The following CD163L1 variants were observed in gnomAD, a reference collection of about 807,000 sequenced individuals.
CD163L1 encodes the protein CD163 molecule like 1, also known as scavenger receptor cysteine-rich type 1 protein M160.
In CD163L1, 124 loss-of-function variants were observed where a neutral mutation model predicts 165.4. That is an observed-to-expected ratio of 0.75 (90% CI 0.65 to 0.87). CD163L1 has a LOEUF of 0.87. Among genes scored for constraint, CD163L1 ranks in the 40% least tolerant of loss-of-function variants. The pLI, the probability that CD163L1 is intolerant of heterozygous loss-of-function variation, is 0.00. For synonymous variants in CD163L1, 585 were observed against 662.2 expected, an observed-to-expected ratio of 0.88 and a Z score of 1.79; for missense variants, 1,525 against 1,799.9, an observed-to-expected ratio of 0.85 and a Z score of 2.76.
At chr12:7,363,289 A>C (rs923101915) in intron 18 of CD163L1, among the ~76,000 whole-genome samples, 11 of 152,080 alleles carry the variant, frequency 7.2e-5, no homozygotes, top group African/African-American at 2.7e-4. Context: ...AGCATGGGTG[A>C]CAGAGTGAGA....
intron 14 of CD163L1, among the ~76,000 whole-genome samples, chr12:7,371,122 T>C (rs1004666938): frequency 6.6e-6 from 1 of 152,208 alleles, no homozygotes; most frequent in Admixed American, 6.5e-5. Flanking sequence ...GCTCCTCCTT[T>C]GCCTTCAGCC....
chr12:7,426,502 G>A (rs752835654), intron 4 of CD163L1, among the ~76,000 whole-genome samples: 1 of 152,056 alleles, frequency 6.6e-6, no homozygotes, highest in Non-Finnish European at 1.5e-5. Context: ...GGACTTGGGA[G>A]AAAGGGTGGG....
At chr12:7,403,961 T>C in intron 5 of CD163L1, 106 bp from the exon 6 acceptor site, 1 of 765,924 alleles carries the variant, frequency 1.3e-6, no homozygotes, top group Non-Finnish European at 2.0e-6. Flanking sequence ...ATCCTTCACA[T>C]ACTGAGAAAA....
chr12:7,380,660 A>T (rs2136448913), intron 8 of CD163L1, among the ~76,000 whole-genome samples: 1 of 152,268 alleles, frequency 6.6e-6, no homozygotes, highest in Non-Finnish European at 1.5e-5. Context: ...GGAAGAAAAG[A>T]CTACAAATTG....
intron 2 of CD163L1, chr12:7,439,914 G>C: frequency 3.1e-6 from 5 of 1,599,876 alleles, no homozygotes; most frequent in Non-Finnish European, 4.3e-6. Context: ...CTTCGACTTC[G>C]GCCAACTCCT....
chr12:7,349,661 T>C (rs1946694717), intron 4 of CD163L1, among the ~76,000 whole-genome samples: 1 of 152,188 alleles, frequency 6.6e-6, no homozygotes, highest in Admixed American at 6.5e-5. Flanking sequence ...GGCAGATACA[T>C]TTCTTTGTAA....
chr12:7,389,957 T>C (rs989327493), intron 8 of CD163L1, among the ~76,000 whole-genome samples: 2 of 118,966 alleles, frequency 1.7e-5, no homozygotes, highest in Admixed American at 1.9e-4. Flanking sequence ...TATATATATA[T>C]ATTTATATAT....
intron 4 of CD163L1, among the ~76,000 whole-genome samples, chr12:7,426,969 A>C (rs1259941453): frequency 5.9e-5 from 9 of 152,220 alleles, no homozygotes. Context: ...GAAGTCCATT[A>C]TATAATGATA....
intron 4 of CD163L1, among the ~76,000 whole-genome samples, chr12:7,407,568 G>T (rs1948051147): frequency 6.7e-6 from 1 of 150,238 alleles, no homozygotes; most frequent in African/African-American, 2.4e-5. Flanking sequence ...CTACGTATAT[G>T]TATCATATGT....
At chr12:7,421,473 ACATATATGTACATATATACATATATG>A (rs1591954590) in intron 4 of CD163L1, among the ~76,000 whole-genome samples, 5 of 108,706 alleles carry the variant, frequency 4.6e-5, no homozygotes, top group Admixed American at 1.3e-4. Flanking sequence ...ACATATATAT[ACATATATGTACATATATACATATATG>A]TACATATACA....
At chr12:7,413,261 A>T (rs916143057) in intron 4 of CD163L1, among the ~76,000 whole-genome samples, 4 of 152,054 alleles carry the variant, frequency 2.6e-5, no homozygotes, top group African/African-American at 9.7e-5. Context: ...GATTTCTCCC[A>T]TGGGAGAAGG....
At chr12:7,336,188 G>A in the CD163L1 span, among the ~76,000 whole-genome samples, 192 of 127,784 alleles carry the variant, frequency 1.5e-3, no homozygotes, top group South Asian at 3.7e-3. Flanking sequence ...AAATCATGCT[G>A]CTATAAAGAC....
rs1947079201 is a variant in CD163L1, at chr12:7,368,856, TA to T, written c.4072+76del. 1 of 1,490,014 alleles carries T rather than the reference TA, an allele frequency of 6.7e-7. No homozygotes were observed. The highest frequency in any genetic ancestry group is 9.4e-7 in the Non-Finnish European group (1 of 1,069,064). The allele number at this position is 1,490,014 out of a possible 1,614,324, so 92.3% of individuals were successfully genotyped here. ...AGTCCCCAGTCTTCTTTGATTATCA[TA>T]GCAGTTTCTGCCCTCCCTTGACCTT... is the stretch of plus-strand genomic sequence containing the variant. On this transcript the variant is annotated intron_variant, in intron 16 of 19. Transcript: ENST00000313599. The surrounding 1 kb of genome is among the most constrained non-coding windows in gnomAD (Gnocchi z 4.3).
At chr12:7,346,823 G>A (rs1169918370) in exon 5 of CD163L1, 1 of 152,262 alleles carries the variant, frequency 6.6e-6, no homozygotes, top group East Asian at 1.9e-4. Flanking sequence ...AAAGATCCTT[G>A]CGAAACCGTA....
intron 14 of CD163L1, among the ~76,000 whole-genome samples, chr12:7,371,575 A>C (rs968758024): frequency 8.5e-5 from 13 of 152,136 alleles, no homozygotes; most frequent in African/African-American, 3.1e-4. Flanking sequence ...AACTTAAGAT[A>C]GTTGAAATCC....
At position 7,398,275 on chromosome 12, in the gene CD163L1, A is replaced by G. The variant is rs142971112; in HGVS notation, c.1718T>C (p.Val573Ala). 4 of 1,613,418 alleles carry G rather than the reference A, an allele frequency of 2.5e-6. No individual in the cohort carries two copies. The highest frequency in any genetic ancestry group is 3.4e-6 in the Non-Finnish European group (4 of 1,179,578). Residue 573 changes from valine (V) to alanine (A), a missense_variant, in exon 7 of 20, where the codon GTA (valine) becomes GCA (alanine). Transcript: ENST00000313599. The surrounding 1 kb of genome is among the most constrained non-coding windows in gnomAD (Gnocchi z 4.5). ...AGAACAAGTCTTACCTGAGCAGGTTACAATCACATCCTCTCTGTGTACACA... is the reference window on the plus strand; with the variant it reads ...AGAACAAGTCTTACCTGAGCAGGTTGCAATCACATCCTCTCTGTGTACACA... The part of the protein sequence containing the change: ...HNCVHREDVI[V>A]TCSGDATWGL...
At chr12:7,393,677 T>C (rs1458502428) in intron 8 of CD163L1, among the ~76,000 whole-genome samples, 2 of 152,242 alleles carry the variant, frequency 1.3e-5, no homozygotes, top group South Asian at 2.1e-4. Flanking sequence ...AAAACCCCAT[T>C]GTCTCAGCCC....
At chr12:7,405,276 G>A (rs1430931869) in intron 5 of CD163L1, among the ~76,000 whole-genome samples, 3 of 151,990 alleles carry the variant, frequency 2.0e-5, no homozygotes, top group African/African-American at 7.3e-5. Context: ...GATTCTCTCT[G>A]TTTCCTTCCC....
At chr12:7,324,485 C>A in the CD163L1 span, 3 of 1,613,940 alleles carry the variant, frequency 1.9e-6, no homozygotes, top group Non-Finnish European at 1.7e-6. Context: ...TCAAAAACTT[C>A]TTTTCCTCTT....
Sources: allele counts gnomAD v4.1 joint callset (sites outside exome capture counted in the v4.1 genomes callset), GRCh38; gene constraint gnomAD v4.1.1; non-coding constraint Gnocchi (gnomAD v3.1); transcripts MANE v1.5; gene names NCBI Gene and HGNC (gene_info 2026-07-23, HGNC 2026-07-21).